The following ASPSCR1 variants were observed in gnomAD, a reference collection of about 807,000 sequenced individuals.
ASPSCR1 encodes ASPSCR1 tether for SLC2A4, UBX domain containing.
Under a neutral mutation model 68.9 loss-of-function variants are expected in ASPSCR1, and 55 were observed. The observed-to-expected ratio is 0.80, with a 90% CI of 0.64 to 1.00. ASPSCR1 has a LOEUF of 1.00. ASPSCR1 is among the 50% of genes least tolerant of loss of function. The probability of loss-of-function intolerance (pLI) is 0.00; values close to 1 mark genes in which losing one functional copy is unlikely to be tolerated. For missense variants in ASPSCR1, 765 were observed against 762.2 expected (o/e 1.00, Z -0.04); for synonymous variants, 352 against 332.6 (o/e 1.06, Z -0.63).
At chr17:82,014,977 C>A in intron 12 of ASPSCR1, 1 of 1,355,728 alleles carries the variant, frequency 7.4e-7, no homozygotes, top group Non-Finnish European at 9.9e-7. Context: ...TGGGACAGTG[C>A]TGGTGGGGAG....
chr17:82,016,961 G>A lies in ASPSCR1; in HGVS notation c.1496G>A (p.Gly499Glu), dbSNP rs761379437. The change falls in exon 15 of 16, where the codon GGG becomes GAG. Residue 499 changes from glycine to glutamate, a missense_variant. Transcript: ENST00000306739. ...LVARYMSRAA[G>E]SPSPLPAPDP... is the part of the protein sequence containing the mutation. Reference sequence around the variant, plus strand: ...CACAGGTACATGTCCAGGGCCGCCGGGTCCCCTTCCCCATTGCCAGCCCCT... The same window carrying A: ...CACAGGTACATGTCCAGGGCCGCCGAGTCCCCTTCCCCATTGCCAGCCCCT... The A allele has an allele frequency of 6.2e-7, 1 of 1,611,684 alleles. No individual in the cohort carries two copies. Among genetic ancestry groups the A allele is most frequent in the Non-Finnish European group, 8.5e-7 (1 of 1,179,194 alleles).
chr17:82,011,441 G>T, intron 10 of ASPSCR1, 102 bp from the exon 11 acceptor site: 5 of 1,139,770 alleles, frequency 4.4e-6, no homozygotes, highest in Non-Finnish European at 4.9e-6. Flanking sequence ...CCCACCCCTC[G>T]GGGAAAGGCC....
At position 81,996,667 on chromosome 17, in the gene ASPSCR1, CTG is replaced by C. The variant is rs759207030; in HGVS notation, c.755_756del (p.Leu252ArgfsTer16). 3.2e-5 allele frequency: 51 copies of C among 1,612,856 alleles called. No individual in the cohort carries two copies. Among genetic ancestry groups the C allele is most frequent in the Non-Finnish European group, 4.2e-5 (49 of 1,179,742 alleles). Reference sequence around the variant, plus strand: ...TCCTTTCTCGGGTGGGGGACAGAGACTGGGGGGCCCTCCTGGGCCCACGAGGC... The same window carrying C: ...TCCTTTCTCGGGTGGGGGACAGAGACGGGGGCCCTCCTGGGCCCACGAGGC... ...FVPFSGGGQR[L>X]GGPPGPTRPL... On this transcript the variant is annotated frameshift_variant, in exon 7 of 16. Coordinates refer to ENST00000306739, the MANE Select transcript of ASPSCR1 (RefSeq NM_024083.4). LOFTEE classifies it high-confidence loss of function.
chr17:81,998,160 G>A (rs1028354120), intron 7 of ASPSCR1, among the ~76,000 whole-genome samples: 25 of 152,016 alleles, frequency 1.6e-4, no homozygotes, highest in Non-Finnish European at 3.4e-4. Flanking sequence ...TCATAAAGAC[G>A]AGGTCTCTCT....
intron 4 of ASPSCR1, among the ~76,000 whole-genome samples, chr17:81,993,048 G>A (rs567391056): frequency 3.5e-4 from 53 of 152,236 alleles, no homozygotes; most frequent in African/African-American, 1.2e-3. Flanking sequence ...GATTGAGGAC[G>A]TGAAAAATAA....
At chr17:82,002,038 C>T (rs1430571648) in intron 7 of ASPSCR1, among the ~76,000 whole-genome samples, 2 of 124,138 alleles carry the variant, frequency 1.6e-5, no homozygotes, top group Non-Finnish European at 3.2e-5. Context: ...GACACAGTCT[C>T]GCTCTCTTGC....
At chr17:82,001,646 G>A (rs1044262109) in intron 7 of ASPSCR1, among the ~76,000 whole-genome samples, 1 of 152,162 alleles carries the variant, frequency 6.6e-6, no homozygotes, top group Non-Finnish European at 1.5e-5. Flanking sequence ...GTGGGGCTCC[G>A]TACTGGGCGA....
At position 81,983,599 on chromosome 17, in the gene ASPSCR1, C is replaced by T; in HGVS notation, c.204C>T (p.Ala68=). The change falls in exon 3 of 16, where the codon GCC becomes GCT. Residue 68 remains alanine (A), a synonymous_variant. Transcript: ENST00000306739. The surrounding 1 kb of genome is among the most constrained non-coding windows in gnomAD (Gnocchi z 4.4). The stretch of plus-strand genomic sequence containing the variant: ...ACCTTTCTCTCCAGTGGAGATTTGC[C>T]AACCTGCCCAACAATGCCAAGCTGG... The part of the protein sequence containing the change: ...VLDLSLQWRF[A]NLPNNAKLEM... The T allele has an allele frequency of 6.2e-7, 1 of 1,613,622 alleles. No homozygotes were observed. Among genetic ancestry groups the T allele is most frequent in the South Asian group, 1.1e-5 (1 of 90,956 alleles).
At chr17:82,004,432 G>T (rs1281998023) in intron 7 of ASPSCR1, 1 of 152,348 alleles carries the variant, frequency 6.6e-6, no homozygotes, top group Non-Finnish European at 1.5e-5. Flanking sequence ...GTCCACCGGG[G>T]GCCTGGGTTT....
intron 9 of ASPSCR1, among the ~76,000 whole-genome samples, chr17:82,010,315 G>C (rs1401035389): frequency 1.3e-5 from 2 of 151,172 alleles, no homozygotes; most frequent in African/African-American, 2.4e-5. Context: ...GGATCATGAG[G>C]TCAGGAGATC....
At chr17:81,992,698 G>A (rs948270735) in intron 4 of ASPSCR1, among the ~76,000 whole-genome samples, 3 of 152,190 alleles carry the variant, frequency 2.0e-5, no homozygotes, top group African/African-American at 4.8e-5. Flanking sequence ...GTTCTGCTCC[G>A]GCGCATTTTG....
chr17:81,985,070 CTGTA>C (rs1567957283), intron 3 of ASPSCR1, among the ~76,000 whole-genome samples: 12 of 143,320 alleles, frequency 8.4e-5, no homozygotes, highest in African/African-American at 3.2e-4. Flanking sequence ...ACGCACACAC[CTGTA>C]CACACACACC....
chr17:82,012,379 A>G, intron 12 of ASPSCR1, 96 bp downstream of exon 12: 2 of 1,419,176 alleles, frequency 1.4e-6, no homozygotes, highest in Non-Finnish European at 9.9e-7. Flanking sequence ...GGGGCCTGGC[A>G]GGCGCTGGGG....
At chr17:82,010,087 G>GTT (rs372050513) in intron 9 of ASPSCR1, 114,108 of 262,616 alleles carry the variant, frequency 0.43, 21,084 homozygotes, top group Admixed American at 0.49. Flanking sequence ...AATTTTTGTT[G>GTT]TTTTTTTTTT....
intron 7 of ASPSCR1, among the ~76,000 whole-genome samples, chr17:81,998,178 C>G (rs1339599748): frequency 2.6e-5 from 4 of 152,058 alleles, no homozygotes; most frequent in Non-Finnish European, 5.9e-5. Flanking sequence ...TCTCTGTTGC[C>G]CAGGCTGGTC....
rs752402535 is a variant in ASPSCR1, at chr17:81,996,094, G to A, written c.506+29G>A. The A allele has an allele frequency of 3.8e-6, 6 of 1,565,328 alleles. No homozygotes were observed. In the South Asian group the frequency reaches 7.1e-5, roughly 19 times the overall value. On this transcript the variant is annotated intron_variant, in intron 6 of 15. Transcript: ENST00000306739. Reference sequence around the variant, plus strand: ...AGGGCAGTGCTGCTGGGGCCGAGGAGTCTATTTAGCTAAAAAAAAAAGTGG... The same window carrying A: ...AGGGCAGTGCTGCTGGGGCCGAGGAATCTATTTAGCTAAAAAAAAAAGTGG...
rs781122032 is a variant in ASPSCR1 at position 81,999,578 on chromosome 17, G to T, written c.933+2732G>T. On this transcript the variant is annotated intron_variant, in intron 7 of 15. Coordinates refer to ENST00000306739, the MANE Select transcript of ASPSCR1 (RefSeq NM_024083.4). This position sits in a 1 kb window ranked among gnomAD's most constrained non-coding sequence, Gnocchi z 4.4. ...GGAGGCGGAGGTTGCAGTGAGCCGA[G>T]ATCGTGCCACTGCACTCCAGCCCGG... Among the ~76,000 whole-genome samples, 14 of 149,520 alleles carry T rather than the reference G, an allele frequency of 9.4e-5. No homozygotes were observed. Among genetic ancestry groups the T allele is most frequent in the Non-Finnish European group, 2.1e-4 (14 of 67,734 alleles).
chr17:81,996,176 C>A, intron 6 of ASPSCR1, 111 bp downstream of exon 6: 1 of 1,367,618 alleles, frequency 7.3e-7, no homozygotes, highest in Non-Finnish European at 9.7e-7. Flanking sequence ...TACCCAGGCC[C>A]TCATCATGGA....
At chr17:82,009,816 G>T (rs1428887802) in intron 9 of ASPSCR1, 37 of 405,488 alleles carry the variant, frequency 9.1e-5, no homozygotes, top group African/African-American at 7.6e-4. Context: ...TGGGACGTGG[G>T]GGCGACTGAG....
Sources: allele counts gnomAD v4.1 joint callset (sites outside exome capture counted in the v4.1 genomes callset), GRCh38; gene constraint gnomAD v4.1.1; non-coding constraint Gnocchi (gnomAD v3.1); transcripts MANE v1.5; gene names NCBI Gene and HGNC (gene_info 2026-07-23, HGNC 2026-07-21).